The following HTR7 variants were observed in gnomAD, a reference collection of about 807,000 sequenced individuals.
HTR7 encodes the protein 5-hydroxytryptamine receptor 7.
In HTR7, 16 loss-of-function variants were observed where a neutral mutation model predicts 34.0. That is an observed-to-expected ratio of 0.47 (90% CI 0.32 to 0.71). HTR7 has a LOEUF of 0.71. HTR7 is among the 30% of genes least tolerant of loss of function. HTR7 has a pLI of 0.04. For synonymous variants in HTR7, 265 were observed against 260.2 expected (o/e 1.02, Z -0.18); for missense variants, 504 against 625.5 (o/e 0.81, Z 2.07).
intron 1 of HTR7, among the ~76,000 whole-genome samples, chr10:90,794,679 T>C (rs543637977): frequency 2.6e-5 from 4 of 152,124 alleles, no homozygotes; most frequent in African/African-American, 7.2e-5. Context: ...TTTTTATTAT[T>C]ATTTGTAGGG....
chr10:90,785,383 G>A (rs1845364979), intron 1 of HTR7, among the ~76,000 whole-genome samples: 2 of 151,952 alleles, frequency 1.3e-5, no homozygotes, highest in African/African-American at 4.8e-5. Context: ...TCTAATTAAA[G>A]AAGTGGCAGA....
At chr10:90,788,271 C>T (rs1405895387) in intron 1 of HTR7, among the ~76,000 whole-genome samples, 1 of 152,122 alleles carries the variant, frequency 6.6e-6, no homozygotes, top group Non-Finnish European at 1.5e-5. Context: ...AAAAACGAAA[C>T]ACCTAGTACA....
intron 1 of HTR7, among the ~76,000 whole-genome samples, chr10:90,769,918 A>G (rs1227635325): frequency 1.3e-5 from 2 of 152,256 alleles, no homozygotes; most frequent in Non-Finnish European, 2.9e-5. Flanking sequence ...GGCAGTCCAG[A>G]GCAGCCGCTG....
chr10:90,745,358 T>G (rs1220780920), intron 2 of HTR7, among the ~76,000 whole-genome samples: 6 of 152,198 alleles, frequency 3.9e-5, no homozygotes, highest in African/African-American at 1.4e-4. Context: ...AGGCCTCTTT[T>G]ATAAGGGCAA....
At chr10:90,793,597 GAC>G (rs1845493118) in intron 1 of HTR7, among the ~76,000 whole-genome samples, 1 of 148,920 alleles carries the variant, frequency 6.7e-6, no homozygotes, top group African/African-American at 2.5e-5. Flanking sequence ...CCTCAACTAA[GAC>G]ACTGTATTAG....
chr10:90,783,203 T>A (rs184911255), intron 1 of HTR7, among the ~76,000 whole-genome samples: 20 of 152,304 alleles, frequency 1.3e-4, no homozygotes, highest in African/African-American at 4.6e-4. Context: ...AGGAGAAGGA[T>A]GAACTTAGCC....
intron 1 of HTR7, among the ~76,000 whole-genome samples, chr10:90,826,577 A>G (rs1049499323): frequency 1.3e-5 from 2 of 152,192 alleles, no homozygotes; most frequent in Non-Finnish European, 2.9e-5. Flanking sequence ...AGAAACAACA[A>G]AAAGTTTAAA....
intron 1 of HTR7, among the ~76,000 whole-genome samples, chr10:90,789,005 T>C (rs1202670147): frequency 1.3e-5 from 2 of 152,158 alleles, no homozygotes; most frequent in African/African-American, 4.8e-5. Context: ...ACTCCCATTA[T>C]CGCGATCCCC....
chr10:90,809,019 T>C (rs1845753495), intron 1 of HTR7, among the ~76,000 whole-genome samples: 1 of 152,118 alleles, frequency 6.6e-6, no homozygotes, highest in Non-Finnish European at 1.5e-5. Flanking sequence ...ATCTTCCTTC[T>C]TTCCCTCCCG....
chr10:90,809,981 G>C (rs545222124), intron 1 of HTR7, among the ~76,000 whole-genome samples: 3 of 152,084 alleles, frequency 2.0e-5, no homozygotes, highest in Non-Finnish European at 4.4e-5. Flanking sequence ...AGGTAAGTCC[G>C]TCCCCTTCTT....
At chr10:90,767,848 G>A (rs138180298) in intron 1 of HTR7, among the ~76,000 whole-genome samples, 116 of 152,134 alleles carry the variant, frequency 7.6e-4, no homozygotes, top group Non-Finnish European at 1.4e-3. Context: ...CTTCCCAGGG[G>A]GAGTTTTCCA....
At chr10:90,763,196 T>C (rs1844967413) in intron 1 of HTR7, among the ~76,000 whole-genome samples, 1 of 152,210 alleles carries the variant, frequency 6.6e-6, no homozygotes, top group East Asian at 1.9e-4. Flanking sequence ...TGATAGGAGT[T>C]GCATTGAATT....
intron 1 of HTR7, among the ~76,000 whole-genome samples, chr10:90,856,786 G>A (rs1264132665): frequency 6.6e-6 from 1 of 152,162 alleles, no homozygotes; most frequent in Non-Finnish European, 1.5e-5. Context: ...AAGGCTCACA[G>A]CAAGGCTTGA....
At chr10:90,779,540 A>C (rs924171549) in intron 1 of HTR7, among the ~76,000 whole-genome samples, 1 of 152,118 alleles carries the variant, frequency 6.6e-6, no homozygotes, top group South Asian at 2.1e-4. Context: ...ATCACAACAA[A>C]TGTACATTTT....
At chr10:90,759,341 T>C (rs1473070610) in intron 1 of HTR7, among the ~76,000 whole-genome samples, 2 of 151,734 alleles carry the variant, frequency 1.3e-5, no homozygotes, top group Non-Finnish European at 2.9e-5. Context: ...CAACTAAAAA[T>C]GAATCAAAAT....
intron 1 of HTR7, among the ~76,000 whole-genome samples, chr10:90,766,855 G>T (rs1845032836): frequency 6.6e-6 from 1 of 152,220 alleles, no homozygotes; most frequent in African/African-American, 2.4e-5. Flanking sequence ...GGCAGGGAAA[G>T]AACTTCACTA....
intron 1 of HTR7, among the ~76,000 whole-genome samples, chr10:90,805,982 T>G (rs1396232277): frequency 6.6e-6 from 1 of 152,214 alleles, no homozygotes; most frequent in East Asian, 1.9e-4. Flanking sequence ...GGTTTTTCAC[T>G]GTAAATTAGG....
intron 1 of HTR7, among the ~76,000 whole-genome samples, chr10:90,755,891 A>C (rs536455355): frequency 6.6e-6 from 1 of 152,362 alleles, no homozygotes; most frequent in South Asian, 2.1e-4. Context: ...TAACCAAAAT[A>C]CACATACAAA....
At chr10:90,804,551 A>T (rs558317599) in intron 1 of HTR7, among the ~76,000 whole-genome samples, 2 of 152,186 alleles carry the variant, frequency 1.3e-5, no homozygotes, top group African/African-American at 4.8e-5. Flanking sequence ...CTCCCACAAG[A>T]GGTTTGAGCT....
Sources: allele counts gnomAD v4.1 joint callset (sites outside exome capture counted in the v4.1 genomes callset), GRCh38; gene constraint gnomAD v4.1.1; transcripts MANE v1.5; gene names NCBI Gene and HGNC (gene_info 2026-07-23, HGNC 2026-07-21).